Variants in ANKFN1 observed in about 807,000 individuals in gnomAD.
ANKFN1 encodes ankyrin repeat and fibronectin type III domain containing 1, also known as ankyrin repeat and fibronectin type-III domain-containing protein 1.
ANKFN1 carries 74 observed loss-of-function variants against 108.7 expected under a neutral mutation model. The observed-to-expected ratio is 0.68, with a 90% CI of 0.56 to 0.83. The LOEUF (loss-of-function observed/expected upper bound fraction) is 0.83. ANKFN1 is among the 40% of genes least tolerant of loss of function. The probability of loss-of-function intolerance (pLI) is 0.00; values close to 1 mark genes in which losing one functional copy is unlikely to be tolerated. For missense variants in ANKFN1, 1,505 were observed against 1,382.3 expected, an observed-to-expected ratio of 1.09 and a Z score of -1.41; for synonymous variants, 547 against 516.2, an observed-to-expected ratio of 1.06 and a Z score of -0.81.
At chr17:56,473,246 A>C (rs538090057) in intron 15 of ANKFN1, 2 of 152,356 alleles carry the variant, frequency 1.3e-5, no homozygotes, top group South Asian at 4.1e-4. Flanking sequence ...GAAAGAAAAA[A>C]CAATCCATTT....
In ANKFN1 at chr17:56,406,387, G is replaced by A. The variant is rs145193614; in HGVS notation, c.910+31673G>A. Among the ~76,000 whole-genome samples the A allele has an allele frequency of 6.8e-3, 1,036 of 152,192 alleles. 15 individuals are homozygous for A. The highest frequency in any genetic ancestry group is 0.039 in the East Asian group (203 of 5,166). On this transcript the variant is annotated intron_variant, in intron 8 of 20. Coordinates refer to ENST00000682825, the MANE Select transcript of ANKFN1 (RefSeq NM_001370326.1). ...CAGGGAGGAAGAAAAATATCTCCAT[G>A]GCTATCATTTCTGTAACCATAGAGG... is the stretch of plus-strand genomic sequence containing the variant.
intron 19 of ANKFN1, among the ~76,000 whole-genome samples, chr17:56,493,736 G>A (rs1324240680): frequency 6.6e-6 from 1 of 152,098 alleles, no homozygotes; most frequent in Non-Finnish European, 1.5e-5. Context: ...AGCCATACTG[G>A]TTGTTTATTA....
chr17:56,061,750 A>C (rs1458883064), intron 4 of ANKFN1, among the ~76,000 whole-genome samples: 1 of 152,010 alleles, frequency 6.6e-6, no homozygotes, highest in Non-Finnish European at 1.5e-5. Flanking sequence ...TTCATACTCT[A>C]TCTCCTTCAG....
intron 9 of ANKFN1, among the ~76,000 whole-genome samples, chr17:56,441,286 G>A (rs1012678361): frequency 2.0e-5 from 3 of 151,870 alleles, no homozygotes; most frequent in Non-Finnish European, 4.4e-5. Flanking sequence ...TATTATTGTT[G>A]TTGTTTTCTT....
At position 56,513,239 on chromosome 17, in the gene ANKFN1, G is replaced by A. The variant is rs2051825754; in HGVS notation, c.*1970G>A. Among the ~76,000 whole-genome samples the A allele has an allele frequency of 6.6e-6, 1 of 152,164 alleles. No homozygotes were observed. The highest frequency in any genetic ancestry group is 2.4e-5 in the African/African-American group (1 of 41,430). On this transcript the variant is annotated 3_prime_UTR_variant, in exon 21 of 21. Transcript: ENST00000682825. ...TTATCTACAGGGAATCTCCTATTTT[G>A]TAGATCATCTACCTACTTCTGATTT...
At chr17:56,499,157 A>G in intron 20 of ANKFN1, 59 bp downstream of exon 20, 5 of 1,436,430 alleles carry the variant, frequency 3.5e-6, no homozygotes, top group Non-Finnish European at 4.7e-6. Flanking sequence ...TCCTCTCTTC[A>G]CTGATGAGGA....
chr17:56,374,558 G>C (rs966358233), intron 7 of ANKFN1, 43 bp from the exon 8 acceptor site: 2 of 1,432,306 alleles, frequency 1.4e-6, no homozygotes, highest in African/African-American at 2.8e-5. Flanking sequence ...GTTTGAAAAG[G>C]ATTTGCTATG....
chr17:56,084,445 A>T (rs1905283834), intron 4 of ANKFN1, among the ~76,000 whole-genome samples: 1 of 151,444 alleles, frequency 6.6e-6, no homozygotes, highest in African/African-American at 2.4e-5. Flanking sequence ...TTTTTCTCTC[A>T]CACTGCTCTC....
At chr17:56,186,806 T>C (rs990396803) in intron 1 of ANKFN1, among the ~76,000 whole-genome samples, 3 of 152,280 alleles carry the variant, frequency 2.0e-5, no homozygotes, top group Non-Finnish European at 2.9e-5. Flanking sequence ...CGCACGGGGC[T>C]GTAGATGGAC....
At chr17:56,192,300 A>T (rs1328283853) in intron 1 of ANKFN1, among the ~76,000 whole-genome samples, 2 of 136,708 alleles carry the variant, frequency 1.5e-5, no homozygotes, top group African/African-American at 5.6e-5. Flanking sequence ...TAAAAACCCT[A>T]GAAGAAAACC....
intron 8 of ANKFN1, among the ~76,000 whole-genome samples, chr17:56,433,419 A>C (rs1425867744): frequency 1.3e-5 from 2 of 152,256 alleles, no homozygotes; most frequent in East Asian, 3.9e-4. Flanking sequence ...TGCTATTTAA[A>C]AGAAAAAGAA....
At chr17:56,506,390 G>A (rs888951855) in intron 20 of ANKFN1, among the ~76,000 whole-genome samples, 7 of 152,068 alleles carry the variant, frequency 4.6e-5, no homozygotes, top group Non-Finnish European at 1.0e-4. Context: ...AGAAAAGAAG[G>A]CACAGACACA....
At chr17:56,503,558 A>G (rs533779836) in intron 20 of ANKFN1, among the ~76,000 whole-genome samples, 1 of 143,204 alleles carries the variant, frequency 7.0e-6, no homozygotes, top group South Asian at 2.2e-4. Flanking sequence ...CTGTGAAGAT[A>G]GATTTTTGGG....
chr17:56,456,163 G>A (rs2049686292), intron 11 of ANKFN1, among the ~76,000 whole-genome samples: 1 of 152,146 alleles, frequency 6.6e-6, no homozygotes, highest in East Asian at 1.9e-4. Context: ...TACCAACATT[G>A]AGAATTGTAT....
intron 1 of ANKFN1, among the ~76,000 whole-genome samples, chr17:56,181,888 C>T (rs1454349519): frequency 6.6e-6 from 1 of 152,088 alleles, no homozygotes; most frequent in Non-Finnish European, 1.5e-5. Context: ...GTGCTAACTT[C>T]GTATCTCTGT....
At position 56,334,964 on chromosome 17, in the gene ANKFN1, AC is replaced by A. The variant is rs1463427417; in HGVS notation, c.188+8611del. ...CATATGGCTAGCCAGTTTTTCCAGCACCATTTATTAAATAGGGAATCGTTTC... is the reference window on the plus strand; with the variant it reads ...CATATGGCTAGCCAGTTTTTCCAGCACATTTATTAAATAGGGAATCGTTTC... On this transcript the variant is annotated intron_variant, in intron 4 of 20. Transcript: ENST00000682825. 2.6e-5 allele frequency among the ~76,000 whole-genome samples: 4 copies of A among 152,236 alleles called. No individual in the cohort carries two copies. In the East Asian group the frequency reaches 7.7e-4, roughly 29 times the overall value.
At chr17:56,328,241 T>C (rs1464593399) in intron 4 of ANKFN1, among the ~76,000 whole-genome samples, 1 of 152,178 alleles carries the variant, frequency 6.6e-6, no homozygotes, top group Non-Finnish European at 1.5e-5. Flanking sequence ...ATGGCAACTT[T>C]CAGTTGCTCA....
intron 6 of ANKFN1, among the ~76,000 whole-genome samples, chr17:56,360,797 C>A (rs2046496468): frequency 6.6e-6 from 1 of 152,036 alleles, no homozygotes; most frequent in Non-Finnish European, 1.5e-5. Context: ...TGGTTTTTTG[C>A]TTTAAAATAT....
At chr17:56,285,731 C>T (rs940019963) in intron 3 of ANKFN1, among the ~76,000 whole-genome samples, 1 of 152,148 alleles carries the variant, frequency 6.6e-6, no homozygotes, top group Non-Finnish European at 1.5e-5. Flanking sequence ...CAATAGTCCT[C>T]TTCCTCAATT....
Sources: allele counts gnomAD v4.1 joint callset (sites outside exome capture counted in the v4.1 genomes callset), GRCh38; gene constraint gnomAD v4.1.1; transcripts MANE v1.5; gene names NCBI Gene and HGNC (gene_info 2026-07-23, HGNC 2026-07-21).